The following GNG7 variants were observed in gnomAD, a reference collection of about 807,000 sequenced individuals.
GNG7 encodes the protein G protein subunit gamma 7, also known as guanine nucleotide-binding protein G(I)/G(S)/G(O) subunit gamma-7.
A neutral mutation model predicts 4.0 loss-of-function variants in GNG7; 1 was observed. The observed-to-expected ratio is 0.25, with a 90% CI of 0.09 to 1.18. GNG7 has a LOEUF of 1.18. Among genes scored for constraint, GNG7 ranks in the 50% most tolerant of loss-of-function variants. The pLI, the probability that GNG7 is intolerant of heterozygous loss-of-function variation, is 0.50. For synonymous variants in GNG7, 34 were observed against 36.9 expected (o/e 0.92, Z 0.29); for missense variants, 86 against 91.9 (o/e 0.94, Z 0.26).
At chr19:2,594,860 G>A (rs1007062770) in intron 2 of GNG7, among the ~76,000 whole-genome samples, 3 of 152,056 alleles carry the variant, frequency 2.0e-5, no homozygotes, top group African/African-American at 4.8e-5. Flanking sequence ...GCTCACGTCT[G>A]TAATCCCAGC....
chr19:2,672,856 C>G (rs899110868), intron 1 of GNG7, among the ~76,000 whole-genome samples: 9 of 152,308 alleles, frequency 5.9e-5, no homozygotes, highest in Admixed American at 5.9e-4. Context: ...TCACGTGCCC[C>G]TGATGTGTTC....
intron 1 of GNG7, among the ~76,000 whole-genome samples, chr19:2,701,634 C>A (rs1277473647): frequency 6.7e-6 from 1 of 149,974 alleles, no homozygotes; most frequent in Non-Finnish European, 1.5e-5. Context: ...TCAGTCCTCT[C>A]CCCAGACAAC....
intron 2 of GNG7, among the ~76,000 whole-genome samples, chr19:2,578,354 C>CT (rs2144788535): frequency 6.6e-6 from 1 of 152,262 alleles, no homozygotes; most frequent in East Asian, 1.9e-4. Flanking sequence ...CTGACTCGCC[C>CT]TGTTCTCTAC....
intron 2 of GNG7, among the ~76,000 whole-genome samples, chr19:2,589,405 A>C: frequency 8.7e-6 from 1 of 114,818 alleles, no homozygotes; most frequent in Non-Finnish European, 1.8e-5. Flanking sequence ...TAAATAGCAG[A>C]GATGGTGTTT....
intron 3 of GNG7, among the ~76,000 whole-genome samples, chr19:2,521,612 GTTT>G (rs71178284): frequency 9.6e-6 from 1 of 104,702 alleles, no homozygotes; most frequent in African/African-American, 3.9e-5. Flanking sequence ...CCCCCTCCGT[GTTT>G]TTTTTTTTTT....
At chr19:2,591,766 T>C (rs1249534339) in intron 2 of GNG7, among the ~76,000 whole-genome samples, 1 of 152,086 alleles carries the variant, frequency 6.6e-6, no homozygotes, top group East Asian at 1.9e-4. Context: ...AAAAACTCAA[T>C]AGCCAAATAG....
rs1191217474 is a variant in GNG7, at chr19:2,673,268, C to CA, written c.-134-26989dup. On this transcript the variant is annotated intron_variant, in intron 1 of 4. Coordinates refer to ENST00000382159, the MANE Select transcript of GNG7 (RefSeq NM_052847.3). ...GCGAGATTCCATCTCAAAAAAAAAACAAAACAAAACAAAACAAAACAAAAA... is the reference window on the plus strand; with the variant it reads ...GCGAGATTCCATCTCAAAAAAAAAACAAAAACAAAACAAAACAAAACAAAAA... Among the ~76,000 whole-genome samples the CA allele has an allele frequency of 2.5e-5, 3 of 118,726 alleles. 1 individual carries two copies. The Admixed American group carries it at 2.6e-4, about 10-fold the overall frequency. The allele number at this position is 118,726 out of a possible 152,430, so 77.9% of individuals were successfully genotyped here. A position where few individuals can be genotyped will look rare whatever the true frequency, so the allele number is the denominator to read the frequency against.
intron 2 of GNG7, among the ~76,000 whole-genome samples, chr19:2,568,264 TAGAG>T (rs910198869): frequency 1.1e-4 from 16 of 140,438 alleles, no homozygotes; most frequent in African/African-American, 4.1e-4. Context: ...TACACACATA[TAGAG>T]ACACATATAG....
chr19:2,590,407 GTCTATA>G (rs1980802369), intron 2 of GNG7, among the ~76,000 whole-genome samples: 1 of 151,454 alleles, frequency 6.6e-6, no homozygotes, highest in African/African-American at 2.4e-5. Context: ...TAAAGCTGTC[GTCTATA>G]TCTATGTCTC....
chr19:2,633,409 AG>A lies in GNG7; in HGVS notation c.-78+12814del, dbSNP rs1290524406. Reference sequence around the variant, plus strand: ...GGCTCGATGAATCTGCCGATGACCAAGTTGGTGCCTCATCCCTCGTTCTGTG... The same window carrying A: ...GGCTCGATGAATCTGCCGATGACCAATTGGTGCCTCATCCCTCGTTCTGTG... On this transcript the variant is annotated intron_variant, in intron 2 of 4. Transcript: ENST00000382159. This position sits in a 1 kb window ranked among gnomAD's most constrained non-coding sequence, Gnocchi z 5.9. Among the ~76,000 whole-genome samples the A allele has an allele frequency of 6.6e-6, 1 of 151,990 alleles. No homozygotes were observed. The highest frequency in any genetic ancestry group is 1.5e-5 in the Non-Finnish European group (1 of 67,980).
rs747084013 is a variant in GNG7 at position 2,611,651 on chromosome 19, A to G, written c.-78+34573T>C. 4 of 152,206 alleles carry G rather than the reference A, an allele frequency of 2.6e-5. No individual in the cohort carries two copies. Among genetic ancestry groups the G allele is most frequent in the Non-Finnish European group, 5.9e-5 (4 of 68,068 alleles). The allele number at this position is 152,206 out of a possible 1,614,324, so 9.4% of individuals were successfully genotyped here. A position where few individuals can be genotyped will look rare whatever the true frequency, so the allele number is the denominator to read the frequency against. ...CAGAAGGTCGAGACCAGCCTGGCCA[A>G]GAGAGCAACACCAGGTCTCTACAAA... On this transcript the variant is annotated intron_variant, in intron 2 of 4. Coordinates refer to ENST00000382159, the MANE Select transcript of GNG7 (RefSeq NM_052847.3). This position sits in a 1 kb window ranked among gnomAD's most constrained non-coding sequence, Gnocchi z 6.0.
intron 2 of GNG7, among the ~76,000 whole-genome samples, chr19:2,564,290 A>T (rs778476877): frequency 2.6e-5 from 4 of 152,100 alleles, no homozygotes; most frequent in Admixed American, 6.6e-5. Flanking sequence ...TTTAAGAAGG[A>T]GAGACACAGG....
chr19:2,524,945 G>C (rs547323183), intron 3 of GNG7, among the ~76,000 whole-genome samples: 7 of 152,236 alleles, frequency 4.6e-5, no homozygotes, highest in East Asian at 1.9e-4. Flanking sequence ...TGGATGCTTG[G>C]GCTGAGATGC....
Position 2,511,390 on chromosome 19 carries a change from A to G in GNG7, c.*3632T>C. 1 of 152,416 alleles carries G rather than the reference A, an allele frequency of 6.6e-6. No homozygotes were observed. The highest frequency in any genetic ancestry group is 1.5e-5 in the Non-Finnish European group (1 of 68,078). 9.4% of individuals were successfully genotyped at this position (152,416 alleles called of 1,614,324 possible). On this transcript the variant is annotated 3_prime_UTR_variant, in exon 5 of 5. Transcript: ENST00000382159. The surrounding 1 kb of genome is among the most constrained non-coding windows in gnomAD (Gnocchi z 6.3). ...AGATGGCATAGAACCTGCTAGAACCACAGGCGGCGGCTGGAAACAGGAGAC... is the reference window on the plus strand; with the variant it reads ...AGATGGCATAGAACCTGCTAGAACCGCAGGCGGCGGCTGGAAACAGGAGAC...
chr19:2,651,245 T>TTCCTTCCTTCC lies in GNG7; in HGVS notation c.-134-4966_-134-4965insGGAAGGAAGGA, dbSNP rs1441597764. ...CCGACTTCCTTCCTTCCTTCCTTCC[T>TTCCTTCCTTCC]TTCCTTCCTTCCTTCCTTCCTTCCT... On this transcript the variant is annotated intron_variant, in intron 1 of 4. Transcript: ENST00000382159. Among the ~76,000 whole-genome samples the TTCCTTCCTTCC allele has an allele frequency of 2.5e-3, 218 of 87,208 alleles. 2 individuals carry two copies. The highest frequency in any genetic ancestry group is 4.2e-3 in the South Asian group (10 of 2,356). The allele number at this position is 87,208 out of a possible 152,430, so 57.2% of individuals were successfully genotyped here.
chr19:2,563,710 G>C (rs1979816461), intron 2 of GNG7, among the ~76,000 whole-genome samples: 1 of 152,002 alleles, frequency 6.6e-6, no homozygotes, highest in South Asian at 2.1e-4. Flanking sequence ...TTGAACTCCT[G>C]ACCTCAAGTG....
chr19:2,560,786 G>A (rs539195712), intron 2 of GNG7, among the ~76,000 whole-genome samples: 10 of 152,048 alleles, frequency 6.6e-5, no homozygotes, highest in South Asian at 2.1e-4. Context: ...GGTAGACCCC[G>A]TCTCTACTAA....
chr19:2,546,750 C>T lies in GNG7; in HGVS notation c.-38+8399G>A, dbSNP rs367590495. The stretch of plus-strand genomic sequence containing the variant: ...AGTGTGGGTTTGGTCGCCGCGGTGA[C>T]GGGAGCAGGAGAAAAGAAAAGCTGC... On this transcript the variant is annotated intron_variant, in intron 3 of 4. Coordinates refer to ENST00000382159, the MANE Select transcript of GNG7 (RefSeq NM_052847.3). The surrounding 1 kb of genome is among the most constrained non-coding windows in gnomAD (Gnocchi z 6.3). 1.3e-5 allele frequency among the ~76,000 whole-genome samples: 2 copies of T among 152,116 alleles called. No homozygotes were observed. Among genetic ancestry groups the T allele is most frequent in the African/African-American group, 4.8e-5 (2 of 41,416 alleles).
At chr19:2,582,324 T>C (rs1256211833) in intron 2 of GNG7, among the ~76,000 whole-genome samples, 1 of 152,212 alleles carries the variant, frequency 6.6e-6, no homozygotes, top group Non-Finnish European at 1.5e-5. Flanking sequence ...GCACCTCTTC[T>C]ATAATTCACA....
Sources: gnomAD v4.1 joint callset for allele counts (sites outside exome capture counted in the v4.1 genomes callset) on GRCh38, gnomAD v4.1.1 for gene constraint, Gnocchi (gnomAD v3.1) non-coding constraint, MANE v1.5 for transcripts, NCBI Gene and HGNC (gene_info 2026-07-23, HGNC 2026-07-21) for gene names.